Variants in FAM167A observed in about 807,000 individuals in gnomAD.
FAM167A encodes family with sequence similarity 167 member A, also known as protein FAM167A.
In FAM167A, 23 loss-of-function variants were observed where a neutral mutation model predicts 14.9. The ratio of observed to expected loss-of-function variants is 1.55; its 90% CI spans 1.11 to 2.19. The LOEUF is 2.19. FAM167A is among the 30% of genes most tolerant of loss of function. The probability of loss-of-function intolerance (pLI) is 0.00; values close to 1 mark genes in which losing one functional copy is unlikely to be tolerated. For synonymous variants in FAM167A, 174 were observed against 117.7 expected (o/e 1.48, Z -3.10); for missense variants, 401 against 281.5 (o/e 1.42, Z -3.04).
chr8:11,424,178 C>G lies in FAM167A; in HGVS notation c.*195G>C. 1.6e-6 allele frequency: 1 copy of G among 644,562 alleles called. No homozygotes were observed. The highest frequency in any genetic ancestry group is 2.6e-6 in the Non-Finnish European group (1 of 381,054). The allele number at this position is 644,562 out of a possible 1,614,324, so 39.9% of individuals were successfully genotyped here. A position where few individuals can be genotyped will look rare whatever the true frequency, so the allele number is the denominator to read the frequency against. On this transcript the variant is annotated 3_prime_UTR_variant, in exon 3 of 3. Transcript: ENST00000284486. ...TTGGGTAGTAAGCAAGAGCCAGTCA[C>G]AGAGACACTGGCATCCACACCCAGG...
At chr8:11,439,221 C>A (rs943129268) in intron 2 of FAM167A, among the ~76,000 whole-genome samples, 6 of 152,264 alleles carry the variant, frequency 3.9e-5, no homozygotes, top group Non-Finnish European at 4.4e-5. Flanking sequence ...ATGGGAATAG[C>A]AAATACTTCC....
Position 11,434,418 on chromosome 8 carries a change from G to T in FAM167A, c.381+9613C>A, listed in dbSNP as rs78037768. Among the ~76,000 whole-genome samples, 704 of 152,258 alleles carry T rather than the reference G, an allele frequency of 4.6e-3. 4 individuals carry two copies. Among genetic ancestry groups the T allele is most frequent in the African/African-American group, 0.016 (671 of 41,554 alleles). ...CTTGCATGCAGGAAGGAGACAGCAA[G>T]ATGAGTCCATCTGAGCCAGGCCTCC... On this transcript the variant is annotated intron_variant, in intron 2 of 2. Transcript: ENST00000284486.
intron 2 of FAM167A, among the ~76,000 whole-genome samples, chr8:11,442,492 TAAAAAG>T (rs1276305805): frequency 6.6e-6 from 1 of 152,012 alleles, no homozygotes; most frequent in African/African-American, 2.4e-5. Flanking sequence ...CTAACTTCCT[TAAAAAG>T]AAAAAGCCTC....
intron 1 of FAM167A, among the ~76,000 whole-genome samples, chr8:11,456,212 TGTGA>T (rs1807284745): frequency 1.1e-3 from 1 of 952 alleles, no homozygotes; most frequent in Non-Finnish European, 3.7e-3. Flanking sequence ...TGCCTTGCTG[TGTGA>T]GTGTGAGTGA....
intron 2 of FAM167A, among the ~76,000 whole-genome samples, chr8:11,442,326 C>A (rs1381202407): frequency 6.6e-6 from 1 of 152,144 alleles, no homozygotes; most frequent in Non-Finnish European, 1.5e-5. Flanking sequence ...TTATCACCCC[C>A]AGACATTCAT....
chr8:11,445,358 C>T lies in FAM167A; in HGVS notation c.-397-550G>A, dbSNP rs182482772. On this transcript the variant is annotated intron_variant, in intron 1 of 2. Coordinates refer to ENST00000284486, the MANE Select transcript of FAM167A (RefSeq NM_053279.3). ...ACCACAGGTCCTGTCCTCCAGCAGC[C>T]GTTTCTACATCCAGGTCTTACTCTA... The T allele has an allele frequency of 1.7e-4, 167 of 986,264 alleles. No individual in the cohort carries two copies. In the South Asian group the frequency reaches 5.2e-3, roughly 31 times the overall value. 61.1% of individuals were successfully genotyped at this position (986,264 alleles called of 1,614,324 possible).
chr8:11,440,745 C>T (rs1806386701), intron 2 of FAM167A, among the ~76,000 whole-genome samples: 1 of 152,246 alleles, frequency 6.6e-6, no homozygotes, highest in African/African-American at 2.4e-5. Flanking sequence ...AACACATTTG[C>T]ACTTGAGCCT....
At chr8:11,448,344 T>C (rs565723196) in intron 1 of FAM167A, among the ~76,000 whole-genome samples, 59 of 152,308 alleles carry the variant, frequency 3.9e-4, no homozygotes, top group Middle Eastern at 3.4e-3. Context: ...AGGGATTCAA[T>C]AAGGTTACAA....
chr8:11,462,139 G>C (rs1807565199), intron 1 of FAM167A, among the ~76,000 whole-genome samples: 1 of 152,250 alleles, frequency 6.6e-6, no homozygotes, highest in Non-Finnish European at 1.5e-5. Flanking sequence ...TGCCGTGTCA[G>C]CTTGCGCTGG....
At chr8:11,426,976 T>G (rs1265773834) in intron 2 of FAM167A, among the ~76,000 whole-genome samples, 1 of 152,216 alleles carries the variant, frequency 6.6e-6, no homozygotes, top group Non-Finnish European at 1.5e-5. Context: ...CAATTTACAT[T>G]GCCAGGGTGA....
At chr8:11,461,936 G>T (rs1018382157) in intron 1 of FAM167A, among the ~76,000 whole-genome samples, 3 of 152,240 alleles carry the variant, frequency 2.0e-5, no homozygotes, top group African/African-American at 7.2e-5. Context: ...TCAGGGGCTA[G>T]AAGGGTCCTT....
At chr8:11,426,644 A>AG (rs1209146265) in intron 2 of FAM167A, among the ~76,000 whole-genome samples, 1 of 152,138 alleles carries the variant, frequency 6.6e-6, no homozygotes, top group Non-Finnish European at 1.5e-5. Context: ...TAATATTTAA[A>AG]GGGGAAGGAG....
upstream of FAM167A, among the ~76,000 whole-genome samples, chr8:11,470,883 G>A (rs1388078224): frequency 6.6e-6 from 1 of 152,120 alleles, no homozygotes; most frequent in Middle Eastern, 3.2e-3. Flanking sequence ...ATGTTCAGCT[G>A]CAATGGCTCC....
At chr8:11,433,332 G>A (rs925097090) in intron 2 of FAM167A, among the ~76,000 whole-genome samples, 2 of 152,036 alleles carry the variant, frequency 1.3e-5, no homozygotes, top group Non-Finnish European at 2.9e-5. Flanking sequence ...GCAATGCACG[G>A]ACCACCAGAC....
At chr8:11,437,342 G>A (rs1009045232) in intron 2 of FAM167A, among the ~76,000 whole-genome samples, 7 of 152,174 alleles carry the variant, frequency 4.6e-5, no homozygotes, top group Admixed American at 1.3e-4. Flanking sequence ...ATAAACATGC[G>A]TAATACAGTA....
intron 2 of FAM167A, among the ~76,000 whole-genome samples, chr8:11,441,832 C>T (rs781203751): frequency 6.6e-6 from 1 of 152,156 alleles, no homozygotes; most frequent in Non-Finnish European, 1.5e-5. Context: ...TGCCCCCACC[C>T]CCATGCATTC....
chr8:11,429,368 C>A (rs1175548575), intron 2 of FAM167A, among the ~76,000 whole-genome samples: 1 of 152,182 alleles, frequency 6.6e-6, no homozygotes, highest in Non-Finnish European at 1.5e-5. Context: ...GGCGGTTGCC[C>A]GGGAAGGCAC....
intron 1 of FAM167A, among the ~76,000 whole-genome samples, chr8:11,449,247 C>T (rs992878686): frequency 6.6e-6 from 1 of 152,228 alleles, no homozygotes; most frequent in Non-Finnish European, 1.5e-5. Flanking sequence ...CCACTAGGCA[C>T]AGGAGCTCAG....
intron 2 of FAM167A, among the ~76,000 whole-genome samples, chr8:11,432,525 C>G (rs979178814): frequency 2.6e-5 from 4 of 152,196 alleles, no homozygotes; most frequent in Non-Finnish European, 5.9e-5. Context: ...GAGATACCAT[C>G]TCACACCAGT....
Sources: gnomAD v4.1 joint callset for allele counts (sites outside exome capture counted in the v4.1 genomes callset) on GRCh38, gnomAD v4.1.1 for gene constraint, MANE v1.5 for transcripts, NCBI Gene and HGNC (gene_info 2026-07-23, HGNC 2026-07-21) for gene names.